Variants in PIKFYVE observed in about 807,000 individuals in gnomAD.
PIKFYVE encodes phosphoinositide kinase, FYVE-type zinc finger containing.
Under a neutral mutation model 257.9 loss-of-function variants are expected in PIKFYVE, and 122 were observed. The ratio of observed to expected loss-of-function variants is 0.47; its 90% CI spans 0.41 to 0.55. The LOEUF (loss-of-function observed/expected upper bound fraction) is 0.55, where lower values mean the gene tolerates loss of function less well. PIKFYVE is among the 20% of genes least tolerant of loss of function. The pLI, the probability that PIKFYVE is intolerant of heterozygous loss-of-function variation, is 0.00. For missense variants in PIKFYVE, 2,160 were observed against 2,536.6 expected (o/e 0.85, Z 3.19); for synonymous variants, 892 against 868.9 (o/e 1.03, Z -0.47).
chr2:208,307,973 T>C (rs1225391017), intron 12 of PIKFYVE, among the ~76,000 whole-genome samples: 1 of 152,226 alleles, frequency 6.6e-6, no homozygotes, highest in Non-Finnish European at 1.5e-5. Context: ...CAAATTATAA[T>C]TGTATGTATT....
intron 20 of PIKFYVE, among the ~76,000 whole-genome samples, chr2:208,327,020 A>G (rs996871865): frequency 2.5e-4 from 38 of 152,194 alleles, no homozygotes; most frequent in African/African-American, 8.4e-4. Context: ...AGGAAATGCA[A>G]TTGTTTAATA....
chr2:208,269,166 T>A (rs1418348883), intron 1 of PIKFYVE, among the ~76,000 whole-genome samples: 1 of 152,170 alleles, frequency 6.6e-6, no homozygotes, highest in Non-Finnish European at 1.5e-5. Flanking sequence ...TTACCGAGAC[T>A]GTAATGTCCT....
At chr2:208,322,961 TTG>T in intron 17 of PIKFYVE, among the ~76,000 whole-genome samples, 1 of 150,528 alleles carries the variant, frequency 6.6e-6, no homozygotes, top group Non-Finnish European at 1.5e-5. Context: ...TTTTTTGTCC[TTG>T]TGATAGTTTG....
intron 12 of PIKFYVE, among the ~76,000 whole-genome samples, chr2:208,308,998 G>A (rs991817957): frequency 3.9e-5 from 6 of 152,258 alleles, no homozygotes; most frequent in African/African-American, 1.4e-4. Context: ...GTGAGCCACC[G>A]CACCCGGCCC....
At chr2:208,346,208 A>C (rs1341227476) in intron 34 of PIKFYVE, 61 bp downstream of exon 34, 28 of 1,338,720 alleles carry the variant, frequency 2.1e-5, no homozygotes, top group Non-Finnish European at 2.8e-5. Flanking sequence ...GGTTTGAAAA[A>C]GAAAATACAT....
chr2:208,334,807 G>A (rs1035127502), intron 24 of PIKFYVE, among the ~76,000 whole-genome samples: 1 of 152,086 alleles, frequency 6.6e-6, no homozygotes, highest in South Asian at 2.1e-4. Context: ...GACCCTCAGG[G>A]GATATTTGCT....
At chr2:208,296,760 G>A (rs1324199054) in intron 7 of PIKFYVE, among the ~76,000 whole-genome samples, 2 of 152,150 alleles carry the variant, frequency 1.3e-5, no homozygotes, top group Non-Finnish European at 2.9e-5. Flanking sequence ...TATTAGTCAA[G>A]TGGAGAAAGT....
chr2:208,320,419 T>C, intron 17 of PIKFYVE, 60 bp downstream of exon 17: 1 of 1,585,802 alleles, frequency 6.3e-7, no homozygotes, highest in Non-Finnish European at 8.6e-7. Context: ...ATGATGCTTA[T>C]AAACTCTTAA....
chr2:208,326,523 A>G, intron 20 of PIKFYVE, 94 bp downstream of exon 20: 1 of 1,328,926 alleles, frequency 7.5e-7, no homozygotes, highest in Non-Finnish European at 1.1e-6. Context: ...GGCAGACTGC[A>G]TGCAGATTTG....
chr2:208,349,517 A>G (rs934159463), intron 35 of PIKFYVE, among the ~76,000 whole-genome samples: 3 of 149,826 alleles, frequency 2.0e-5, no homozygotes, highest in African/African-American at 7.3e-5. Context: ...TGTATGTTAT[A>G]TAATTATATA....
intron 8 of PIKFYVE, among the ~76,000 whole-genome samples, chr2:208,300,451 G>A (rs1273607850): frequency 6.6e-6 from 1 of 152,184 alleles, no homozygotes; most frequent in Non-Finnish European, 1.5e-5. Flanking sequence ...TGTACTTACA[G>A]GTGTAGATTT....
At chr2:208,295,119 C>CT (rs895047142) in intron 7 of PIKFYVE, among the ~76,000 whole-genome samples, 2 of 152,212 alleles carry the variant, frequency 1.3e-5, no homozygotes, top group African/African-American at 4.8e-5. Context: ...TCTGTATCTG[C>CT]TTGTCTGTCT....
At chr2:208,266,163 A>C (rs549556384), upstream of PIKFYVE, 1 of 152,282 alleles carries the variant, frequency 6.6e-6, no homozygotes, top group South Asian at 2.1e-4. Context: ...ATCTGATCCG[A>C]GCGTCGGCCG....
intron 7 of PIKFYVE, among the ~76,000 whole-genome samples, chr2:208,290,660 A>G (rs1692197562): frequency 6.6e-6 from 1 of 152,168 alleles, no homozygotes; most frequent in Admixed American, 6.5e-5. Context: ...GTCCTATGGT[A>G]AGATTATGTT....
intron 5 of PIKFYVE, among the ~76,000 whole-genome samples, chr2:208,282,187 C>T (rs1321991183): frequency 1.3e-5 from 2 of 152,198 alleles, no homozygotes; most frequent in Non-Finnish European, 2.9e-5. Context: ...TTTTGCATGT[C>T]TTTGTTGCCA....
At chr2:208,267,394 C>G (rs12185547) in intron 1 of PIKFYVE, among the ~76,000 whole-genome samples, 146,141 of 152,250 alleles carry the variant, frequency 0.96, 70,291 homozygotes, top group East Asian at 1. Context: ...TTTCTGGATC[C>G]TGCTCTGGTT....
chr2:208,352,643 C>A lies in PIKFYVE; in HGVS notation c.5716-11C>A, dbSNP rs886055535. The A allele has an allele frequency of 1.2e-6, 2 of 1,612,596 alleles. No homozygotes were observed. Among genetic ancestry groups the A allele is most frequent in the Non-Finnish European group, 1.7e-6 (2 of 1,179,294 alleles). ...TTTGATAAGAATTTATTTTGACCTT[C>A]TCTTGATTAGAGGCCCACGGCGTTG... On this transcript the variant is annotated splice_polypyrimidine_tract_variant and intron_variant, in intron 38 of 41. Coordinates refer to ENST00000264380, the MANE Select transcript of PIKFYVE (RefSeq NM_015040.4).
intron 10 of PIKFYVE, among the ~76,000 whole-genome samples, chr2:208,303,035 T>C (rs1357103704): frequency 6.6e-6 from 1 of 152,114 alleles, no homozygotes; most frequent in Non-Finnish European, 1.5e-5. Context: ...TGAGCCGAGA[T>C]TGCGCCACTG....
At chr2:208,303,094 A>G (rs1013444374) in intron 10 of PIKFYVE, among the ~76,000 whole-genome samples, 2 of 152,096 alleles carry the variant, frequency 1.3e-5, no homozygotes, top group Non-Finnish European at 2.9e-5. Context: ...AACAAACACA[A>G]ACAAACGAAA....
Sources: gnomAD v4.1 joint callset for allele counts (sites outside exome capture counted in the v4.1 genomes callset) on GRCh38, gnomAD v4.1.1 for gene constraint, MANE v1.5 for transcripts, NCBI Gene and HGNC (gene_info 2026-07-23, HGNC 2026-07-21) for gene names.